Variants in HERC5 observed in about 807,000 individuals in gnomAD.
HERC5 encodes the protein HECT and RLD domain containing E3 ubiquitin protein ligase 5, also known as E3 ISG15--protein ligase HERC5.
In HERC5, 99 loss-of-function variants were observed where a neutral mutation model predicts 119.6. That is an observed-to-expected ratio of 0.83 (90% CI 0.70 to 0.98). HERC5 has a LOEUF of 0.98. Ranked by LOEUF, HERC5 falls within the 50% of genes least tolerant of loss-of-function variation. The pLI, the probability that HERC5 is intolerant of heterozygous loss-of-function variation, is 0.00. For synonymous variants in HERC5, 478 were observed against 445.9 expected, an observed-to-expected ratio of 1.07 and a Z score of -0.91; for missense variants, 1,267 against 1,241.3, an observed-to-expected ratio of 1.02 and a Z score of -0.31.
chr4:88,502,778 G>A (rs1741982801), intron 20 of HERC5, among the ~76,000 whole-genome samples: 1 of 151,938 alleles, frequency 6.6e-6, no homozygotes, highest in Admixed American at 6.6e-5. Context: ...GATTACTAAT[G>A]TTAAGCACTT....
At chr4:88,469,391 T>A (rs1490899956) in intron 9 of HERC5, 131 bp downstream of exon 9, 1 of 685,968 alleles carries the variant, frequency 1.5e-6, no homozygotes, top group East Asian at 2.7e-5. Flanking sequence ...GATATGTGTG[T>A]ATTTCTGTCT....
At chr4:88,462,440 C>A in intron 4 of HERC5, 84 bp downstream of exon 4, 1 of 1,115,386 alleles carries the variant, frequency 9.0e-7, no homozygotes, top group Non-Finnish European at 1.3e-6. Context: ...AAAAATGGTT[C>A]AAATCTTCAC....
rs372568620 is a variant in HERC5, at chr4:88,465,200, C to T, written c.911+1215C>T. Among the ~76,000 whole-genome samples, 21 of 152,310 alleles carry T rather than the reference C, an allele frequency of 1.4e-4. 1 individual carries two copies. In the East Asian group the frequency reaches 3.5e-3, roughly 25 times the overall value. The stretch of plus-strand genomic sequence containing the variant: ...AGAGTGTTGGGATTACAGGGGTGAG[C>T]CACCACGCCACTATTTAATTTTTTT... On this transcript the variant is annotated intron_variant, in intron 6 of 22. Transcript: ENST00000264350.
chr4:88,479,302 A>AT (rs1232250103), intron 12 of HERC5, 51 bp from the exon 13 acceptor site: 1 of 1,392,784 alleles, frequency 7.2e-7, no homozygotes, highest in Non-Finnish European at 9.6e-7. Flanking sequence ...AAAAAAAAAA[A>AT]GCACAATAAA....
chr4:88,468,724 A>G (rs890363721), intron 8 of HERC5, among the ~76,000 whole-genome samples: 6 of 152,188 alleles, frequency 3.9e-5, no homozygotes, highest in Non-Finnish European at 5.9e-5. Context: ...GACAGATTCT[A>G]AAAATGACTT....
chr4:88,480,312 T>C (rs1741237062), intron 13 of HERC5, among the ~76,000 whole-genome samples: 1 of 152,208 alleles, frequency 6.6e-6, no homozygotes. Flanking sequence ...TATAGATTCA[T>C]CCAGATTAAT....
In HERC5 at chr4:88,479,451, G is replaced by A. The variant is rs1372357506; in HGVS notation, c.1681G>A (p.Ala561Thr). The part of the protein sequence containing the change: ...ICQLDYWDES[A>T]EENGNVQALL... ...CCAGTTGGATTACTGGGATGAAAGT[G>A]CTGAGGAGAATGGTAATGTTCAAGC... is the stretch of plus-strand genomic sequence containing the variant. Residue 561 changes from alanine to threonine, a missense_variant, in exon 13 of 23, where the codon GCT (alanine) becomes ACT (threonine). Around this residue, in one of 3 missense-constraint regions of HERC5, gnomAD observed 777 missense variants for 758.0 expected, o/e 1.03. Coordinates refer to ENST00000264350, the MANE Select transcript of HERC5 (RefSeq NM_016323.4). The A allele has an allele frequency of 6.2e-7, 1 of 1,613,228 alleles. No individual in the cohort carries two copies. The highest frequency in any genetic ancestry group is 1.1e-5 in the South Asian group (1 of 90,864).
chr4:88,492,109 G>A (rs1383292239), intron 16 of HERC5, among the ~76,000 whole-genome samples: 1 of 151,916 alleles, frequency 6.6e-6, no homozygotes, highest in Admixed American at 6.6e-5. Context: ...GTTCAAGTGA[G>A]TCTCCTGCCT....
At position 88,505,803 on chromosome 4, in the gene HERC5, C is replaced by G. The variant is rs1742087589; in HGVS notation, c.3000C>G (p.Leu1000=). 6.2e-7 allele frequency: 1 copy of G among 1,613,808 alleles called. No individual in the cohort carries two copies. Among genetic ancestry groups the G allele is most frequent in the African/African-American group, 1.3e-5 (1 of 75,050 alleles). The change falls in exon 23 of 23, where the codon CTC becomes CTG. Residue 1000 remains leucine, a synonymous_variant. Transcript: ENST00000264350. Reference sequence around the variant, plus strand: ...TGACATGTTTCAGTGTCCTCTTCCTCCCTAAATATTCTACAATGGAAACAG... The same window carrying G: ...TGACATGTTTCAGTGTCCTCTTCCTGCCTAAATATTCTACAATGGAAACAG... ...RALTCFSVLF[L]PKYSTMETVE...
At chr4:88,466,839 C>T (rs1465652385) in intron 6 of HERC5, among the ~76,000 whole-genome samples, 1 of 152,148 alleles carries the variant, frequency 6.6e-6, no homozygotes, top group Non-Finnish European at 1.5e-5. Context: ...AAGGGAACAC[C>T]ATTTGCCAAA....
chr4:88,497,254 A>G (rs1009455282), intron 18 of HERC5, among the ~76,000 whole-genome samples: 1 of 152,230 alleles, frequency 6.6e-6, no homozygotes, highest in Admixed American at 6.5e-5. Context: ...TAGAAAAATC[A>G]TGTATTGCCC....
chr4:88,464,167 G>GTTTTTTTT (rs1560598587), intron 6 of HERC5, among the ~76,000 whole-genome samples, 182 bp downstream of exon 6: 1 of 110,842 alleles, frequency 9.0e-6, no homozygotes, highest in Non-Finnish European at 1.9e-5. Context: ...TGTTTTCTTT[G>GTTTTTTTT]ATTTTTTTTT....
chr4:88,499,629 G>A (rs541004788), intron 18 of HERC5, among the ~76,000 whole-genome samples: 5 of 152,304 alleles, frequency 3.3e-5, no homozygotes, highest in East Asian at 1.9e-4. Context: ...ATCAGTGAAC[G>A]TTAGAATCCT....
intron 12 of HERC5, 145 bp from the exon 13 acceptor site, chr4:88,479,208 C>G (rs929254560): frequency 1.9e-5 from 9 of 480,850 alleles, no homozygotes; most frequent in Non-Finnish European, 2.8e-5. Flanking sequence ...TTGCTTGAAC[C>G]TGGGAGGCAG....
intron 13 of HERC5, among the ~76,000 whole-genome samples, chr4:88,484,585 C>T (rs1443003651): frequency 6.6e-6 from 1 of 152,182 alleles, no homozygotes; most frequent in Admixed American, 6.5e-5. Flanking sequence ...GAACTTGGAA[C>T]AGTTTGCCTT....
intron 2 of HERC5, among the ~76,000 whole-genome samples, chr4:88,459,860 T>C (rs1740354709): frequency 6.6e-6 from 1 of 152,214 alleles, no homozygotes; most frequent in African/African-American, 2.4e-5. Flanking sequence ...ATCTTGCATT[T>C]ATTCCTGCAT....
chr4:88,474,746 G>A (rs1740998691), intron 11 of HERC5, among the ~76,000 whole-genome samples: 1 of 152,092 alleles, frequency 6.6e-6, no homozygotes, highest in African/African-American at 2.4e-5. Flanking sequence ...TAATTTCTCT[G>A]AATCACAGAT....
intron 12 of HERC5, among the ~76,000 whole-genome samples, chr4:88,477,992 C>T (rs552941205): frequency 6.6e-6 from 1 of 152,272 alleles, no homozygotes; most frequent in Admixed American, 6.5e-5. Context: ...ATTTCATCTG[C>T]ACAAAGAATG....
In HERC5 at chr4:88,457,275, G is replaced by A. The variant is rs757905588; in HGVS notation, c.6G>A (p.Glu2=). The part of the protein sequence containing the change: M[E]RRSRRKSRRN... The stretch of plus-strand genomic sequence containing the variant: ...TGGGACCCCGCAAAGCGGCGATGGA[G>A]CGGAGGTCGCGGAGGAAGTCGCGGC... Residue 2 remains glutamate (E), a synonymous_variant, in exon 1 of 23, where the codon GAG becomes GAA. Coordinates refer to ENST00000264350, the MANE Select transcript of HERC5 (RefSeq NM_016323.4). The A allele has an allele frequency of 5.9e-6, 8 of 1,350,092 alleles. No homozygotes were observed. The South Asian group carries it at 1.4e-4, about 24-fold the overall frequency. 83.6% of individuals were successfully genotyped at this position (1,350,092 alleles called of 1,614,324 possible).
Sources: gnomAD v4.1 joint callset for allele counts (sites outside exome capture counted in the v4.1 genomes callset) on GRCh38, gnomAD v4.1.1 for gene constraint, gnomAD v4.1.1 regional missense constraint, MANE v1.5 for transcripts, NCBI Gene and HGNC (gene_info 2026-07-23, HGNC 2026-07-21) for gene names.